Variants in PRMT3 observed in about 807,000 individuals in gnomAD.
PRMT3 encodes the protein protein arginine N-methyltransferase 3.
In PRMT3, 62 loss-of-function variants were observed where a neutral mutation model predicts 71.9. The ratio of observed to expected loss-of-function variants is 0.86; its 90% CI spans 0.70 to 1.07. PRMT3 has a LOEUF of 1.07. Ranked by LOEUF, PRMT3 falls within the 50% of genes least tolerant of loss-of-function variation. The pLI is 0.00. For missense variants in PRMT3, 663 were observed against 643.0 expected (o/e 1.03, Z -0.34); for synonymous variants, 213 against 220.4 (o/e 0.97, Z 0.30).
At chr11:20,504,123 T>A (rs1265987742) in intron 15 of PRMT3, among the ~76,000 whole-genome samples, 2 of 152,224 alleles carry the variant, frequency 1.3e-5, no homozygotes, top group Non-Finnish European at 1.5e-5. Context: ...CTTGTGAGAT[T>A]TCTGCTCAGA....
At chr11:20,481,160 C>T (rs1899483) in intron 13 of PRMT3, among the ~76,000 whole-genome samples, 1 of 151,844 alleles carries the variant, frequency 6.6e-6, no homozygotes, top group Non-Finnish European at 1.5e-5. Flanking sequence ...TATGCTATTC[C>T]TTGAGGCTGT....
chr11:20,422,696 AT>A (rs948983854), intron 9 of PRMT3, among the ~76,000 whole-genome samples: 1 of 152,114 alleles, frequency 6.6e-6, no homozygotes, highest in African/African-American at 2.4e-5. Context: ...TAAAAAAATT[AT>A]TTAGGCTTTG....
chr11:20,454,567 A>G (rs74536506), intron 11 of PRMT3, among the ~76,000 whole-genome samples: 4,549 of 152,290 alleles, frequency 0.03, 225 homozygotes, highest in African/African-American at 0.1. Context: ...TGTTAACAGA[A>G]TCAAGAGAAA....
chr11:20,440,448 A>C (rs1036157224), intron 10 of PRMT3, among the ~76,000 whole-genome samples: 6 of 146,656 alleles, frequency 4.1e-5, no homozygotes, highest in Non-Finnish European at 8.9e-5. Context: ...GATTGAGACC[A>C]TCCTGGCTAA....
intron 5 of PRMT3, among the ~76,000 whole-genome samples, chr11:20,393,397 C>A (rs538892650): frequency 6.6e-6 from 1 of 152,314 alleles, no homozygotes; most frequent in Admixed American, 6.5e-5. Flanking sequence ...GAGCAAGACT[C>A]TGTCTAAAAA....
chr11:20,435,523 A>G (rs577689625), intron 10 of PRMT3, among the ~76,000 whole-genome samples: 1 of 152,014 alleles, frequency 6.6e-6, no homozygotes, highest in East Asian at 1.9e-4. Context: ...GGTAGGAGAT[A>G]GGGATCTAGT....
chr11:20,470,332 A>T (rs760815359), intron 13 of PRMT3, among the ~76,000 whole-genome samples: 1 of 152,134 alleles, frequency 6.6e-6, no homozygotes, highest in African/African-American at 2.4e-5. Context: ...TGCTGTACAG[A>T]TCATCCCCTC....
intron 7 of PRMT3, among the ~76,000 whole-genome samples, chr11:20,402,358 A>C (rs1314724102): frequency 2.0e-5 from 3 of 152,094 alleles, no homozygotes; most frequent in Non-Finnish European, 4.4e-5. Context: ...ACCTCAAGTG[A>C]TCCTCTTGCC....
At chr11:20,466,466 C>G (rs995455014) in intron 13 of PRMT3, among the ~76,000 whole-genome samples, 2 of 152,182 alleles carry the variant, frequency 1.3e-5, no homozygotes, top group African/African-American at 4.8e-5. Flanking sequence ...TCCTCCCAAC[C>G]CAGGTAGGCC....
intron 13 of PRMT3, among the ~76,000 whole-genome samples, chr11:20,466,691 G>A (rs1033418747): frequency 3.0e-4 from 45 of 151,964 alleles, no homozygotes; most frequent in Admixed American, 5.9e-4. Context: ...GTATCCTTCA[G>A]TCATCTTAGT....
chr11:20,445,226 A>G (rs556620431), intron 10 of PRMT3, among the ~76,000 whole-genome samples: 26 of 152,108 alleles, frequency 1.7e-4, no homozygotes, highest in African/African-American at 5.5e-4. Flanking sequence ...ATGAAAAACT[A>G]TTGTCTTTTT....
intron 13 of PRMT3, among the ~76,000 whole-genome samples, chr11:20,493,257 ATAAG>A (rs1310545044): frequency 3.3e-5 from 5 of 152,224 alleles, no homozygotes; most frequent in Non-Finnish European, 7.3e-5. Flanking sequence ...GAAAAAAAAA[ATAAG>A]TAACATTTTA....
chr11:20,450,958 C>T (rs573485858), intron 10 of PRMT3, among the ~76,000 whole-genome samples: 15 of 152,036 alleles, frequency 9.9e-5, no homozygotes, highest in Non-Finnish European at 1.5e-4. Flanking sequence ...GTTGGTTCAC[C>T]CTGAGCAATA....
chr11:20,462,564 T>G (rs997639741), intron 12 of PRMT3, among the ~76,000 whole-genome samples: 3 of 152,212 alleles, frequency 2.0e-5, no homozygotes, highest in African/African-American at 7.2e-5. Context: ...CAGTTTAACT[T>G]CTCTCATTCA....
At chr11:20,437,060 G>C (rs1452270351) in intron 10 of PRMT3, among the ~76,000 whole-genome samples, 2 of 152,034 alleles carry the variant, frequency 1.3e-5, no homozygotes, top group Non-Finnish European at 2.9e-5. Flanking sequence ...TTAGCATATA[G>C]TTGTTCATCA....
At chr11:20,410,878 C>T (rs1234879419) in intron 9 of PRMT3, among the ~76,000 whole-genome samples, 3 of 152,082 alleles carry the variant, frequency 2.0e-5, no homozygotes, top group Non-Finnish European at 4.4e-5. Context: ...CAAGTGACAT[C>T]TGCAGTCACA....
chr11:20,441,761 C>G lies in PRMT3; in HGVS notation c.994-10369C>G, dbSNP rs901551853. ...GTTCCTAAGATGATAATTGCTTTAT[C>G]ATATAACCTACCTACAATAGTTTCA... is the stretch of plus-strand genomic sequence containing the variant. On this transcript the variant is annotated intron_variant, in intron 10 of 15. Coordinates refer to ENST00000331079, the MANE Select transcript of PRMT3 (RefSeq NM_005788.4). Among the ~76,000 whole-genome samples the G allele has an allele frequency of 3.4e-5, 5 of 147,384 alleles. No homozygotes were observed. The East Asian group carries it at 1.0e-3, about 30-fold the overall frequency.
intron 9 of PRMT3, among the ~76,000 whole-genome samples, chr11:20,422,345 C>T (rs1408785394): frequency 3.9e-5 from 6 of 152,106 alleles, no homozygotes; most frequent in Non-Finnish European, 2.9e-5. Flanking sequence ...TGTCCTCTAA[C>T]TGTCTGCATT....
At chr11:20,484,738 C>A (rs1851030401) in intron 13 of PRMT3, among the ~76,000 whole-genome samples, 1 of 151,946 alleles carries the variant, frequency 6.6e-6, no homozygotes, top group Non-Finnish European at 1.5e-5. Context: ...GGTAGGGGGC[C>A]TTAGGTAGGA....
Sources: gnomAD v4.1 joint callset for allele counts (sites outside exome capture counted in the v4.1 genomes callset) on GRCh38, gnomAD v4.1.1 for gene constraint, MANE v1.5 for transcripts, NCBI Gene and HGNC (gene_info 2026-07-23, HGNC 2026-07-21) for gene names.